The following SLC41A3 variants were observed in gnomAD, a reference collection of about 807,000 sequenced individuals.
The protein encoded by SLC41A3 is SLC41A1-like 2.
In SLC41A3, 44 loss-of-function variants were observed where a neutral mutation model predicts 45.4. That is an observed-to-expected ratio of 0.97 (90% confidence interval 0.76 to 1.25). The LOEUF is 1.25. SLC41A3 is among the 50% of genes most tolerant of loss of function. The pLI, the probability that SLC41A3 is intolerant of heterozygous loss-of-function variation, is 0.00. For missense variants in SLC41A3, 550 were observed against 600.6 expected (o/e 0.92, Z 0.88); for synonymous variants, 256 against 252.4 (o/e 1.01, Z -0.13).
rs139164954 is a variant in SLC41A3 at position 126,101,069 on chromosome 3, A to C, written c.-79+360T>G. On this transcript the variant is annotated intron_variant, in intron 1 of 9. Coordinates refer to the SLC41A3 transcript ENST00000508835. ...CATGATGTTGGACTCGGCTTCCTCC[A>C]TCGCGGGCAGCCGCACACCCCTCCT... Among the ~76,000 whole-genome samples, 1,027 of 152,366 alleles carry C rather than the reference A, an allele frequency of 6.7e-3. 9 individuals are homozygous for C. Among genetic ancestry groups the C allele is most frequent in the Non-Finnish European group, 0.011 (755 of 68,022 alleles).
At chr3:126,014,770 A>G (rs2107664655) in intron 8 of SLC41A3, among the ~76,000 whole-genome samples, 1 of 152,348 alleles carries the variant, frequency 6.6e-6, no homozygotes, top group Non-Finnish European at 1.5e-5. Context: ...GCTAAACTGG[A>G]CAAAACATGT....
At chr3:126,011,705 A>C (rs1387525896) in intron 9 of SLC41A3, among the ~76,000 whole-genome samples, 74 of 152,232 alleles carry the variant, frequency 4.9e-4, no homozygotes, top group Admixed American at 4.8e-3. Flanking sequence ...CACCATACCT[A>C]TACAGCAAAA....
chr3:126,009,839 A>G (rs1939515461), intron 9 of SLC41A3, among the ~76,000 whole-genome samples: 1 of 152,264 alleles, frequency 6.6e-6, no homozygotes, highest in Non-Finnish European at 1.5e-5. Context: ...TGTAAACAAT[A>G]AGAATTCAAT....
intron 1 of SLC41A3, among the ~76,000 whole-genome samples, chr3:126,083,682 G>A (rs1312590095): frequency 6.6e-6 from 1 of 152,026 alleles, no homozygotes; most frequent in African/African-American, 2.4e-5. Context: ...GAGCAGGCCA[G>A]GAAGGAGGAG....
At chr3:126,082,646 ACT>A (rs1036582376) in intron 1 of SLC41A3, among the ~76,000 whole-genome samples, 10 of 152,078 alleles carry the variant, frequency 6.6e-5, no homozygotes, top group African/African-American at 1.9e-4. Context: ...GGAAACGGAC[ACT>A]CTGTCACCCA....
chr3:126,013,405 CA>C (rs1232912980), intron 8 of SLC41A3, among the ~76,000 whole-genome samples: 3 of 150,972 alleles, frequency 2.0e-5, no homozygotes, highest in African/African-American at 7.3e-5. Context: ...ACTAAAAATA[CA>C]AAAAAAATTA....
At chr3:126,066,085 C>T (rs1477249786) in intron 2 of SLC41A3, among the ~76,000 whole-genome samples, 2 of 152,192 alleles carry the variant, frequency 1.3e-5, no homozygotes, top group Non-Finnish European at 2.9e-5. Flanking sequence ...AGAAGCAAGG[C>T]CATGCTGCTT....
At chr3:126,082,004 G>A (rs1014615349) in intron 1 of SLC41A3, among the ~76,000 whole-genome samples, 1 of 152,260 alleles carries the variant, frequency 6.6e-6, no homozygotes, top group African/African-American at 2.4e-5. Context: ...CATGGTGCCA[G>A]AGGAAGGCCT....
At chr3:126,054,626 C>T (rs138975635) in intron 2 of SLC41A3, among the ~76,000 whole-genome samples, 1 of 150,888 alleles carries the variant, frequency 6.6e-6, no homozygotes, top group Non-Finnish European at 1.5e-5. Context: ...GGAATGTTCA[C>T]GTCTTTTCAG....
chr3:126,031,752 A>G (rs1298494688), intron 4 of SLC41A3, among the ~76,000 whole-genome samples: 1 of 152,232 alleles, frequency 6.6e-6, no homozygotes, highest in African/African-American at 2.4e-5. Context: ...CATATGGACA[A>G]AGATTTTATG....
intron 3 of SLC41A3, among the ~76,000 whole-genome samples, chr3:126,044,113 T>C (rs1942785079): frequency 6.6e-6 from 1 of 152,162 alleles, no homozygotes; most frequent in African/African-American, 2.4e-5. Context: ...TATAAGATAT[T>C]CCATGCGAAG....
intron 3 of SLC41A3, among the ~76,000 whole-genome samples, chr3:126,040,151 A>G (rs903812468): frequency 2.0e-5 from 3 of 152,246 alleles, no homozygotes; most frequent in African/African-American, 7.2e-5. Flanking sequence ...AACAGAATAA[A>G]TATGGGTGCT....
At chr3:126,050,207 A>G (rs941045608) in intron 3 of SLC41A3, among the ~76,000 whole-genome samples, 1 of 152,082 alleles carries the variant, frequency 6.6e-6, no homozygotes, top group African/African-American at 2.4e-5. Flanking sequence ...CTTCAGCCTC[A>G]TGTTCGGCAG....
chr3:126,067,872 T>C, intron 2 of SLC41A3, 75 bp downstream of exon 2: 1 of 1,489,212 alleles, frequency 6.7e-7, no homozygotes, highest in Non-Finnish European at 8.9e-7. Flanking sequence ...AAGCTCAACC[T>C]TACATGCAGC....
chr3:126,078,723 G>T (rs1944999882), intron 1 of SLC41A3, among the ~76,000 whole-genome samples: 1 of 152,090 alleles, frequency 6.6e-6, no homozygotes, highest in Non-Finnish European at 1.5e-5. Flanking sequence ...CACCAGAAAG[G>T]CCAGTGTCTC....
chr3:126,081,280 G>C (rs1162839017), intron 1 of SLC41A3, among the ~76,000 whole-genome samples: 1 of 152,228 alleles, frequency 6.6e-6, no homozygotes, highest in African/African-American at 2.4e-5. Context: ...ACATCACATG[G>C]CCTCACTCAT....
chr3:126,020,593 C>CTTAAATGT (rs1489676321), intron 6 of SLC41A3, among the ~76,000 whole-genome samples: 2 of 152,220 alleles, frequency 1.3e-5, no homozygotes, highest in African/African-American at 4.8e-5. Context: ...CCTCCTCAGC[C>CTTAAATGT]AGGGCACTCT....
intron 1 of SLC41A3, chr3:126,095,059 T>C (rs927419658): frequency 4.2e-6 from 2 of 471,948 alleles, no homozygotes; most frequent in Non-Finnish European, 7.4e-6. Flanking sequence ...AGTAGCTGAA[T>C]AGCATCTACA....
At chr3:126,081,984 T>C (rs1945178116) in intron 1 of SLC41A3, among the ~76,000 whole-genome samples, 1 of 152,206 alleles carries the variant, frequency 6.6e-6, no homozygotes, top group Admixed American at 6.5e-5. Flanking sequence ...CCACCCTCAC[T>C]GTGCCTGCAC....
Sources: gnomAD v4.1 joint callset for allele counts (sites outside exome capture counted in the v4.1 genomes callset) on GRCh38, gnomAD v4.1.1 for gene constraint, MANE v1.5 for transcripts, NCBI Gene and HGNC (gene_info 2026-07-23, HGNC 2026-07-21) for gene names.